CSMD1: variants seen among roughly 807,000 people sequenced by gnomAD.
The protein encoded by CSMD1 is CUB and sushi domain-containing protein 1.
Under a neutral mutation model 417.5 loss-of-function variants are expected in CSMD1, and 213 were observed. The ratio of observed to expected loss-of-function variants is 0.51; its 90% CI spans 0.46 to 0.57. The LOEUF is 0.57. Ranked by LOEUF, CSMD1 falls within the 20% of genes least tolerant of loss-of-function variation. The probability of loss-of-function intolerance (pLI) is 0.00; values close to 1 mark genes in which losing one functional copy is unlikely to be tolerated. For missense variants in CSMD1, 6,923 were observed against 4,529.7 expected, an observed-to-expected ratio of 1.53 and a Z score of -15.17; for synonymous variants, 2,862 against 1,736.8, an observed-to-expected ratio of 1.65 and a Z score of -16.11.
At chr8:2,975,758 A>G (rs1463158587) in intron 55 of CSMD1, among the ~76,000 whole-genome samples, 1 of 152,228 alleles carries the variant, frequency 6.6e-6, no homozygotes, top group African/African-American at 2.4e-5. Flanking sequence ...CAGCTGCTCT[A>G]GAGCATGGAA....
chr8:4,347,363 C>G (rs990712631), intron 3 of CSMD1, among the ~76,000 whole-genome samples: 5 of 152,144 alleles, frequency 3.3e-5, no homozygotes, highest in Admixed American at 3.3e-4. Context: ...TCGATACTCT[C>G]TGCTCTTTGA....
At chr8:3,839,455 ATATATTATATATTATATAAT>A (rs1802961982) in intron 5 of CSMD1, among the ~76,000 whole-genome samples, 2 of 122,536 alleles carry the variant, frequency 1.6e-5, no homozygotes, top group African/African-American at 6.4e-5. Context: ...TTATAATATA[ATATATTATATATTATATAAT>A]TATATTATAT....
chr8:4,933,573 C>T (rs13250617), intron 1 of CSMD1, among the ~76,000 whole-genome samples: 47,187 of 151,914 alleles, frequency 0.31, 8,265 homozygotes, highest in Non-Finnish European at 0.41. Flanking sequence ...ACATACAATA[C>T]TGGAAGTTTT....
At chr8:4,375,983 C>G (rs1276631560) in intron 3 of CSMD1, among the ~76,000 whole-genome samples, 2 of 152,174 alleles carry the variant, frequency 1.3e-5, no homozygotes, top group Admixed American at 6.5e-5. Context: ...GCTTATCCCA[C>G]TGTTTCTGAG....
intron 1 of CSMD1, among the ~76,000 whole-genome samples, chr8:4,949,070 G>A (rs1407819168): frequency 2.6e-5 from 4 of 152,024 alleles, no homozygotes; most frequent in Non-Finnish European, 4.4e-5. Context: ...TTTGGCTTCT[G>A]TTGGGATAAC....
intron 23 of CSMD1, among the ~76,000 whole-genome samples, chr8:3,336,732 G>A (rs560006763): frequency 4.9e-4 from 74 of 152,284 alleles, no homozygotes; most frequent in Non-Finnish European, 6.9e-4. Context: ...CTAACTTCCT[G>A]TTTTCAGAAC....
chr8:3,920,490 A>G (rs1328536328), intron 5 of CSMD1, among the ~76,000 whole-genome samples: 1 of 151,980 alleles, frequency 6.6e-6, no homozygotes, highest in Non-Finnish European at 1.5e-5. Context: ...TTCCTAATTG[A>G]TCTGGCTAGG....
Position 3,028,504 on chromosome 8 carries a change from A to C in CSMD1, c.7855+815T>G, listed in dbSNP as rs147740569. 1.8e-3 allele frequency among the ~76,000 whole-genome samples: 274 copies of C among 152,326 alleles called. 2 individuals are homozygous for C. The South Asian group carries it at 0.02, about 11-fold the overall frequency. ...TCTTAGAGAAACGGGGACCATGTTC[A>C]TTACGATTATGAAAGCTTTGAGCTC... On this transcript the variant is annotated intron_variant, in intron 51 of 69. Coordinates refer to ENST00000635120, the MANE Select transcript of CSMD1 (RefSeq NM_033225.6).
intron 44 of CSMD1, 73 bp downstream of exon 44, chr8:3,108,530 G>T: frequency 1.4e-6 from 2 of 1,469,228 alleles, no homozygotes; most frequent in Non-Finnish European, 1.9e-6. Context: ...CTGGAAACAA[G>T]GCGTGGGACA....
intron 5 of CSMD1, among the ~76,000 whole-genome samples, chr8:3,838,877 T>C (rs1358992253): frequency 9.3e-6 from 1 of 107,076 alleles, no homozygotes; most frequent in Admixed American, 1.1e-4. Context: ...TTATATATAA[T>C]ATTAATTATA....
chr8:4,581,673 A>G (rs1251395112), intron 2 of CSMD1, among the ~76,000 whole-genome samples: 1 of 152,212 alleles, frequency 6.6e-6, no homozygotes, highest in Non-Finnish European at 1.5e-5. Flanking sequence ...GAATCTGTCT[A>G]TGCTCCCAGT....
At chr8:4,044,986 T>G (rs1281154433) in intron 3 of CSMD1, among the ~76,000 whole-genome samples, 2 of 152,252 alleles carry the variant, frequency 1.3e-5, no homozygotes, top group African/African-American at 4.8e-5. Context: ...GAGGAGTTTC[T>G]ACTTCCTGTT....
intron 10 of CSMD1, among the ~76,000 whole-genome samples, chr8:3,550,895 C>G (rs901878546): frequency 1.3e-5 from 2 of 152,136 alleles, no homozygotes; most frequent in African/African-American, 4.8e-5. Flanking sequence ...TGCTTCCACT[C>G]GAAAATAGGA....
At chr8:4,734,926 G>A (rs567351687) in intron 1 of CSMD1, among the ~76,000 whole-genome samples, 1 of 152,152 alleles carries the variant, frequency 6.6e-6, no homozygotes, top group African/African-American at 2.4e-5. Flanking sequence ...AGGAGGTCTG[G>A]CTTTAGCAAA....
chr8:4,858,626 C>T (rs1474246333), intron 1 of CSMD1, among the ~76,000 whole-genome samples: 1 of 151,988 alleles, frequency 6.6e-6, no homozygotes, highest in Non-Finnish European at 1.5e-5. Flanking sequence ...CAACAACAGA[C>T]AAACAGAGAG....
chr8:3,778,472 T>A (rs1799010669), intron 5 of CSMD1, among the ~76,000 whole-genome samples: 1 of 152,184 alleles, frequency 6.6e-6, no homozygotes, highest in Non-Finnish European at 1.5e-5. Flanking sequence ...CTTACAAGGG[T>A]TCCTGTCTTA....
chr8:3,591,956 T>C lies in CSMD1; in HGVS notation c.1098-5696A>G, dbSNP rs985784970. Among the ~76,000 whole-genome samples, 9 of 152,098 alleles carry C rather than the reference T, an allele frequency of 5.9e-5. No individual in the cohort carries two copies. In the East Asian group the frequency reaches 1.7e-3, roughly 29 times the overall value. ...ATGGATAGATACACAGATGCATGGA[T>C]AGATGAATGGATGGAAAGATAGATT... is the stretch of plus-strand genomic sequence containing the variant. On this transcript the variant is annotated intron_variant, in intron 8 of 69. Coordinates refer to ENST00000635120, the MANE Select transcript of CSMD1 (RefSeq NM_033225.6).
At position 2,961,121 on chromosome 8, in the gene CSMD1, G is replaced by A. The variant is rs771822399; in HGVS notation, c.9702+20C>T. ...TTTATATTTCCAGAAAGAAAACATA[G>A]TAAATTCATAATGAACTACCTCATA... On this transcript the variant is annotated intron_variant, in intron 62 of 69. Transcript: ENST00000635120. 1 of 1,476,258 alleles carries A rather than the reference G, an allele frequency of 6.8e-7. No individual in the cohort carries two copies. The highest frequency in any genetic ancestry group is 9.2e-7 in the Non-Finnish European group (1 of 1,085,020). The allele number at this position is 1,476,258 out of a possible 1,614,324, so 91.4% of individuals were successfully genotyped here.
At chr8:2,951,720 T>C (rs547781264) in intron 65 of CSMD1, among the ~76,000 whole-genome samples, 24 of 152,304 alleles carry the variant, frequency 1.6e-4, no homozygotes, top group Non-Finnish European at 2.8e-4. Context: ...ATATATATAA[T>C]ACGAGAGCAA....
Sources: gnomAD v4.1 joint callset for allele counts (sites outside exome capture counted in the v4.1 genomes callset) on GRCh38, gnomAD v4.1.1 for gene constraint, MANE v1.5 for transcripts, NCBI Gene and HGNC (gene_info 2026-07-23, HGNC 2026-07-21) for gene names.